The following MAGEC1 variants were observed in gnomAD, a reference collection of about 807,000 sequenced individuals.
The protein encoded by MAGEC1 is MAGE family member C1, also known as melanoma-associated antigen C1.
In MAGEC1, 3 loss-of-function variants were observed where a neutral mutation model predicts 1.5. The observed-to-expected ratio is 1.97, with a 90% CI of 0.90 to 5.10. The LOEUF is 5.10. Ranked by LOEUF, MAGEC1 falls within the 30% of genes most tolerant of loss-of-function variation. MAGEC1 has a pLI of 0.02. For synonymous variants in MAGEC1, 357 were observed against 310.4 expected (o/e 1.15, Z -1.58); for missense variants, 985 against 803.1 (o/e 1.23, Z -2.74).
chrX:141,907,530 A>G lies in MAGEC1; in HGVS notation c.2126A>G (p.His709Arg), dbSNP rs1256285648. 17 of 1,196,306 alleles carry G rather than the reference A, an allele frequency of 1.4e-5. No homozygotes were observed. The highest frequency in any genetic ancestry group is 9.3e-5 in the African/African-American group (5 of 53,927). ...LEGEDSLSSL[H>R]FPQSPPEWED... ...GGAGAGGACTCCCTGTCTTCTCTCC[A>G]TTTTCCTCAGAGTCCTCCTGAGTGG... The change falls in exon 4 of 4, where the codon CAT becomes CGT. Residue 709 changes from histidine (H) to arginine (R), a missense_variant. His to Arg is a conservative substitution (Grantham distance 29). Transcript: ENST00000285879.
rs1926963614 is a variant in MAGEC1 at position 141,907,247 on chromosome X, C to T, written c.1843C>T (p.Pro615Ser). 4 of 1,210,374 alleles carry T rather than the reference C, an allele frequency of 3.3e-6. No homozygotes were observed. Among genetic ancestry groups the T allele is most frequent in the African/African-American group, 1.7e-5 (1 of 57,347 alleles). Residue 615 changes from proline to serine, a missense_variant, in exon 4 of 4, where the codon CCT becomes TCT. Physicochemically the swap from Pro to Ser is moderately conservative, Grantham distance 74 (BLOSUM62 -1). Coordinates refer to ENST00000285879, the MANE Select transcript of MAGEC1 (RefSeq NM_005462.5). Reference sequence around the variant, plus strand: ...GTCTCCTCTCTACTTTCCTCAGAGTCCTCTTCAGGGGGAGGAATTCCAGTC... The same window carrying T: ...GTCTCCTCTCTACTTTCCTCAGAGTTCTCTTCAGGGGGAGGAATTCCAGTC... The part of the protein sequence containing the change: ...SMSPLYFPQS[P>S]LQGEEFQSSL...
rs370323989 is a variant in MAGEC1, at chrX:141,907,354, T to G, written c.1950T>G (p.Ser650Arg). The change falls in exon 4 of 4, where the codon AGT (serine) becomes AGG (arginine). Residue 650 changes from serine to arginine, a missense_variant. Transcript: ENST00000285879. ...LPQSFPESSQ[S>R]PPEGPVQSPL... Reference sequence around the variant, plus strand: ...AGAGTTTCCCTGAGAGTTCTCAGAGTCCTCCTGAGGGGCCTGTCCAGTCTC... The same window carrying G: ...AGAGTTTCCCTGAGAGTTCTCAGAGGCCTCCTGAGGGGCCTGTCCAGTCTC... The G allele has an allele frequency of 1.1e-5, 13 of 1,203,794 alleles. No individual in the cohort carries two copies. Among genetic ancestry groups the G allele is most frequent in the African/African-American group, 1.8e-5 (1 of 54,869 alleles).
At position 141,908,681 on chromosome X, in the gene MAGEC1, A is replaced by G. The variant is rs1329036134; in HGVS notation, c.3277A>G (p.Asn1093Asp). 8.3e-7 allele frequency: 1 copy of G among 1,210,191 alleles called. No homozygotes were observed. The highest frequency in any genetic ancestry group is 1.1e-6 in the Non-Finnish European group (1 of 895,235). Residue 1093 changes from asparagine to aspartate, a missense_variant, in exon 4 of 4, where the codon AAT becomes GAT. Physicochemically the swap from Asn to Asp is conservative, Grantham distance 23 (BLOSUM62 1). Coordinates refer to ENST00000285879, the MANE Select transcript of MAGEC1 (RefSeq NM_005462.5). ...AGTAGAGTTTTTGGCCATGCTAAAG[A>G]ATACCGTCCCTATTACCTTTCCATC... ...KVVEFLAMLK[N>D]TVPITFPSSY...
chrX:141,907,665 G>A lies in MAGEC1; in HGVS notation c.2261G>A (p.Ser754Asn), dbSNP rs1423720518. The A allele has an allele frequency of 8.3e-7, 1 of 1,206,444 alleles. No homozygotes were observed. The highest frequency in any genetic ancestry group is 1.8e-5 in the African/African-American group (1 of 56,081). The change falls in exon 4 of 4, where the codon AGT (serine) becomes AAT (asparagine). Residue 754 changes from serine to asparagine, a missense_variant. Coordinates refer to ENST00000285879, the MANE Select transcript of MAGEC1 (RefSeq NM_005462.5). ...VSICSSSTSL[S>N]LPQSFPESPQ... is the part of the protein sequence containing the mutation. ...ATCTGCTCCTCCTCCACTTCTTTGA[G>A]TCTTCCCCAGAGTTTCCCTGAGAGT...
At position 141,906,054 on chromosome X, in the gene MAGEC1, C is replaced by T. The variant is rs137938810; in HGVS notation, c.650C>T (p.Ser217Phe). 162 of 1,152,778 alleles carry T rather than the reference C, an allele frequency of 1.4e-4. No homozygotes were observed. Among genetic ancestry groups the T allele is most frequent in the East Asian group, 1.2e-3 (37 of 31,214 alleles). Reference sequence around the variant, plus strand: ...ACTTTATTGAGTATTTTCCAGAGTTCCCCTGAGAGAACTCAGAGTACTTTT... The same window carrying T: ...ACTTTATTGAGTATTTTCCAGAGTTTCCCTGAGAGAACTCAGAGTACTTTT... ...SSTLLSIFQS[S>F]PERTQSTFEG... is the part of the protein sequence containing the mutation. The change falls in exon 4 of 4, where the codon TCC becomes TTC. Residue 217 changes from serine (S) to phenylalanine (F), a missense_variant. Physicochemically the swap from Ser to Phe is radical, Grantham distance 155. Coordinates refer to ENST00000285879, the MANE Select transcript of MAGEC1 (RefSeq NM_005462.5).
At position 141,908,699 on chromosome X, in the gene MAGEC1, T is replaced by C. The variant is rs898967710; in HGVS notation, c.3295T>C (p.Phe1099Leu). The change falls in exon 4 of 4, where the codon TTT (phenylalanine) becomes CTT (leucine). Residue 1099 changes from phenylalanine to leucine, a missense_variant. By Grantham distance (22) the Phe-to-Leu change is conservative. Coordinates refer to ENST00000285879, the MANE Select transcript of MAGEC1 (RefSeq NM_005462.5). ...GCTAAAGAATACCGTCCCTATTACC[T>C]TTCCATCCTCTTACAAGGATGCTTT... Reference protein sequence around the residue: ...AMLKNTVPITFPSSYKDALKD... With the variant: ...AMLKNTVPITLPSSYKDALKD... The C allele has an allele frequency of 8.3e-7, 1 of 1,211,670 alleles. No homozygotes were observed. Among genetic ancestry groups the C allele is most frequent in the African/African-American group, 1.7e-5 (1 of 57,844 alleles).
Position 141,908,714 on chromosome X carries a change from A to G in MAGEC1, c.3310A>G (p.Lys1104Glu), listed in dbSNP as rs141310221. 2.2e-5 allele frequency: 27 copies of G among 1,209,531 alleles called. No homozygotes were observed. In the African/African-American group the frequency reaches 3.8e-4, roughly 17 times the overall value. Residue 1104 changes from lysine to glutamate, a missense_variant, in exon 4 of 4, where the codon AAG becomes GAG. Physicochemically the swap from Lys to Glu is moderately conservative, Grantham distance 56 (BLOSUM62 1). Coordinates refer to ENST00000285879, the MANE Select transcript of MAGEC1 (RefSeq NM_005462.5). ...CCCTATTACCTTTCCATCCTCTTAC[A>G]AGGATGCTTTGAAAGATGTGGAAGA... ...TVPITFPSSYKDALKDVEERA... is the reference protein window; with the variant it reads ...TVPITFPSSYEDALKDVEERA...
chrX:141,906,707 T>C lies in MAGEC1; in HGVS notation c.1303T>C (p.Phe435Leu), dbSNP rs764249962. 4.8e-5 allele frequency: 58 copies of C among 1,201,692 alleles called. 1 individual carries two copies. In the South Asian group the frequency reaches 1.0e-3, roughly 21 times the overall value. The change falls in exon 4 of 4, where the codon TTT (phenylalanine) becomes CTT (leucine). Residue 435 changes from phenylalanine (F) to leucine (L), a missense_variant. Physicochemically the swap from Phe to Leu is conservative, Grantham distance 22. Transcript: ENST00000285879. ...QSSPESAQSA[F>L]EGFPQSPLQI... ...TTCTCCTGAGAGTGCTCAAAGTGCT[T>C]TTGAGGGTTTTCCCCAGTCTCCTCT...
At position 141,904,957 on chromosome X, in the gene MAGEC1, C is replaced by T. The variant is rs1332227778; in HGVS notation, c.-103-13C>T. ...AGCTGTGCCCCGAGGTGCTTTCTCG[C>T]GTCCTTCTACAGGTTCCCAGAAGAC... On this transcript the variant is annotated splice_polypyrimidine_tract_variant and intron_variant, in intron 2 of 3. Coordinates refer to ENST00000285879, the MANE Select transcript of MAGEC1 (RefSeq NM_005462.5). 1.2e-5 allele frequency: 13 copies of T among 1,105,762 alleles called. No homozygotes were observed. The South Asian group carries it at 2.1e-4, about 18-fold the overall frequency. The allele number at this position is 1,105,762 out of a possible 1,213,427, so 91.1% of individuals were successfully genotyped here.
rs1229448714 is a variant in MAGEC1, at chrX:141,907,480, C to G, written c.2076C>G (p.Leu692=). 7.5e-6 allele frequency: 9 copies of G among 1,204,157 alleles called. No homozygotes were observed. The African/African-American group carries it at 1.1e-4, about 14-fold the overall frequency. The change falls in exon 4 of 4, where the codon CTC becomes CTG. Residue 692 remains leucine (L), a synonymous_variant. Transcript: ENST00000285879. Reference sequence around the variant, plus strand: ...AGGGGGAGGATTCCCTGTCTCCTCTCCAAATTCCTCAGAGTCCTCTTGAGG... The same window carrying G: ...AGGGGGAGGATTCCCTGTCTCCTCTGCAAATTCCTCAGAGTCCTCTTGAGG... ...APEGEDSLSP[L]QIPQSPLEGE...
Position 141,909,112 on chromosome X carries a change from CAAA to C in MAGEC1, c.*282_*284del. Reference sequence around the variant, plus strand: ...GTAACAGTTTGATATTTTGTAAAAACAAAAACACACCCAAACACACCACATTGG... The same window carrying C: ...GTAACAGTTTGATATTTTGTAAAAACAACACACCCAAACACACCACATTGG... On this transcript the variant is annotated 3_prime_UTR_variant, in exon 4 of 4. Transcript: ENST00000285879. 4.2e-6 allele frequency: 1 copy of C among 237,243 alleles called. No individual in the cohort carries two copies. Among genetic ancestry groups the C allele is most frequent in the Non-Finnish European group, 7.6e-6 (1 of 132,221 alleles). The allele number at this position is 237,243 out of a possible 1,213,427, so 19.6% of individuals were successfully genotyped here. A position where few individuals can be genotyped will look rare whatever the true frequency, so the allele number is the denominator to read the frequency against.
chrX:141,904,979 A>G lies in MAGEC1; in HGVS notation c.-94A>G. The G allele has an allele frequency of 8.4e-7, 1 of 1,188,221 alleles. No individual in the cohort carries two copies. Among genetic ancestry groups the G allele is most frequent in the Non-Finnish European group, 1.1e-6 (1 of 875,313 alleles). ...TCGCGTCCTTCTACAGGTTCCCAGA[A>G]GACAAACCCCCTAGGAAGACAGGCG... On this transcript the variant is annotated 5_prime_UTR_variant, in exon 3 of 4. Coordinates refer to ENST00000285879, the MANE Select transcript of MAGEC1 (RefSeq NM_005462.5).
In MAGEC1 at chrX:141,907,116, G is replaced by A; in HGVS notation, c.1712G>A (p.Gly571Glu). The A allele has an allele frequency of 8.3e-7, 1 of 1,199,807 alleles. No individual in the cohort carries two copies. Among genetic ancestry groups the A allele is most frequent in the East Asian group, 3.0e-5 (1 of 33,515 alleles). ...TACTTTCCTCAGAGCCCTCCTCAGG[G>A]GGAGGACTCCCTGTCTCCTCACTAC... ...PHYFPQSPPQ[G>E]EDSLSPHYFP... The change falls in exon 4 of 4, where the codon GGG becomes GAG. Residue 571 changes from glycine to glutamate, a missense_variant. Physicochemically the swap from Gly to Glu is moderately conservative, Grantham distance 98. Coordinates refer to ENST00000285879, the MANE Select transcript of MAGEC1 (RefSeq NM_005462.5).
Position 141,909,055 on chromosome X carries a change from C to T in MAGEC1, c.*222C>T, listed in dbSNP as rs957462639. ...AGAATCCTAGTTTATGCACATGAGT[C>T]GCACATGTATTGCTGTTTTTCTGGT... On this transcript the variant is annotated 3_prime_UTR_variant, in exon 4 of 4. Coordinates refer to ENST00000285879, the MANE Select transcript of MAGEC1 (RefSeq NM_005462.5). The T allele has an allele frequency of 6.4e-6, 2 of 313,149 alleles. No homozygotes were observed. Among genetic ancestry groups the T allele is most frequent in the Non-Finnish European group, 1.1e-5 (2 of 180,040 alleles). The allele number at this position is 313,149 out of a possible 1,213,427, so 25.8% of individuals were successfully genotyped here.
In MAGEC1 at chrX:141,908,703, C is replaced by T. The variant is rs994700355; in HGVS notation, c.3299C>T (p.Pro1100Leu). 1 of 1,211,572 alleles carries T rather than the reference C, an allele frequency of 8.3e-7. No individual in the cohort carries two copies. The highest frequency in any genetic ancestry group is 1.1e-6 in the Non-Finnish European group (1 of 895,324). ...MLKNTVPITF[P>L]SSYKDALKDV... ...AAGAATACCGTCCCTATTACCTTTC[C>T]ATCCTCTTACAAGGATGCTTTGAAA... Residue 1100 changes from proline (P) to leucine (L), a missense_variant, in exon 4 of 4, where the codon CCA (proline) becomes CTA (leucine). Transcript: ENST00000285879.
Position 141,908,782 on chromosome X carries a change from C to A in MAGEC1, c.3378C>A (p.Ala1126=). The A allele has an allele frequency of 8.3e-7, 1 of 1,209,587 alleles. No individual in the cohort carries two copies. Among genetic ancestry groups the A allele is most frequent in the African/African-American group, 1.7e-5 (1 of 57,758 alleles). The change falls in exon 4 of 4, where the codon GCC becomes GCA. Residue 1126 remains alanine (A), a synonymous_variant. Coordinates refer to ENST00000285879, the MANE Select transcript of MAGEC1 (RefSeq NM_005462.5). ...TTGACACCACAGATGATTCGACTGCCACAGAAAGTGCAAGCTCCAGTGTCA... is the reference window on the plus strand; with the variant it reads ...TTGACACCACAGATGATTCGACTGCAACAGAAAGTGCAAGCTCCAGTGTCA... ...AIIDTTDDST[A]TESASSSVMS...
Position 141,907,914 on chromosome X carries a change from C to T in MAGEC1, c.2510C>T (p.Ser837Phe). 2 of 1,210,577 alleles carry T rather than the reference C, an allele frequency of 1.7e-6. No homozygotes were observed. The highest frequency in any genetic ancestry group is 3.5e-5 in the African/African-American group (2 of 57,511). Residue 837 changes from serine to phenylalanine, a missense_variant, in exon 4 of 4, where the codon TCC (serine) becomes TTC (phenylalanine). By Grantham distance (155) the Ser-to-Phe change is radical. Coordinates refer to ENST00000285879, the MANE Select transcript of MAGEC1 (RefSeq NM_005462.5). ...TCTCCTGTGAGCTCCTTCCCCTCCT[C>T]CACTTCATCGAGTCTTTCCAAGAGT... The part of the protein sequence containing the change: ...QSSPVSSFPS[S>F]TSSSLSKSSP...
rs1191882102 is a variant in MAGEC1, at chrX:141,907,647, C to T, written c.2243C>T (p.Ser748Phe). The T allele has an allele frequency of 1.7e-6, 2 of 1,207,332 alleles. No individual in the cohort carries two copies. Among genetic ancestry groups the T allele is most frequent in the African/African-American group, 3.5e-5 (2 of 56,431 alleles). Residue 748 changes from serine (S) to phenylalanine (F), a missense_variant, in exon 4 of 4, where the codon TCC becomes TTC. Coordinates refer to ENST00000285879, the MANE Select transcript of MAGEC1 (RefSeq NM_005462.5). Reference protein sequence around the residue: ...SSLQSPVSICSSSTSLSLPQS... With the variant: ...SSLQSPVSICFSSTSLSLPQS... ...CTCCAGAGTCCTGTGAGTATCTGCT[C>T]CTCCTCCACTTCTTTGAGTCTTCCC...
Position 141,906,898 on chromosome X carries a change from C to G in MAGEC1, c.1494C>G (p.Ser498=). The change falls in exon 4 of 4, where the codon TCC becomes TCG. Residue 498 remains serine (S), a synonymous_variant. Coordinates refer to ENST00000285879, the MANE Select transcript of MAGEC1 (RefSeq NM_005462.5). ...CTTTATTGAGTCTTTTCCAGAGTTC[C>G]CCTGAGTGTACTCAAAGTACTTTTG... ...SSTLLSLFQS[S]PECTQSTFEG... 1 of 1,209,055 alleles carries G rather than the reference C, an allele frequency of 8.3e-7. No individual in the cohort carries two copies. The highest frequency in any genetic ancestry group is 1.1e-6 in the Non-Finnish European group (1 of 894,581).
Sources: gnomAD v4.1 joint callset for allele counts on GRCh38, gnomAD v4.1.1 for gene constraint, MANE v1.5 for transcripts, NCBI Gene and HGNC (gene_info 2026-07-23, HGNC 2026-07-21) for gene names.